Variants in AGMO observed in about 807,000 individuals in gnomAD.
AGMO encodes the protein glyceryl-ether monooxygenase.
In AGMO, 75 loss-of-function variants were observed where a neutral mutation model predicts 60.2. That is an observed-to-expected ratio of 1.25 (90% CI 1.03 to 1.51). AGMO has a LOEUF of 1.51. Ranked by LOEUF, AGMO falls within the 40% of genes most tolerant of loss-of-function variation. The pLI is 0.00. For synonymous variants in AGMO, 261 were observed against 177.1 expected (o/e 1.47, Z -3.76); for missense variants, 763 against 525.5 (o/e 1.45, Z -4.42).
intron 3 of AGMO, among the ~76,000 whole-genome samples, chr7:15,460,436 T>A (rs1383141854): frequency 6.6e-6 from 1 of 152,114 alleles, no homozygotes; most frequent in East Asian, 1.9e-4. Flanking sequence ...AACCACATAT[T>A]TTAAGGCTAT....
chr7:15,300,407 C>T (rs1024256508), intron 12 of AGMO, among the ~76,000 whole-genome samples: 3 of 152,056 alleles, frequency 2.0e-5, no homozygotes, highest in Non-Finnish European at 2.9e-5. Context: ...ATAGCAGCTA[C>T]GTGATGGGAT....
Position 15,201,366 on chromosome 7 carries a change from A to G in AGMO, c.1264-7T>C. On this transcript the variant is annotated splice_polypyrimidine_tract_variant and splice_region_variant and intron_variant, in intron 12 of 12. Transcript: ENST00000342526. ...TGCAAATGGAAAAAACAATCTGAAG[A>G]AATAAAACACAAAGAGAAAAAAAAA... 1 of 1,608,514 alleles carries G rather than the reference A, an allele frequency of 6.2e-7. No homozygotes were observed.
intron 12 of AGMO, among the ~76,000 whole-genome samples, chr7:15,356,597 G>A (rs1381138159): frequency 6.6e-6 from 1 of 151,790 alleles, no homozygotes; most frequent in Non-Finnish European, 1.5e-5. Context: ...TTCTATCTGT[G>A]GAAATATGAG....
intron 3 of AGMO, among the ~76,000 whole-genome samples, chr7:15,447,522 A>C (rs1411167393): frequency 1.3e-5 from 2 of 152,168 alleles, no homozygotes; most frequent in East Asian, 3.9e-4. Context: ...TGGCAGAGTC[A>C]TTCAAAGTCT....
intron 3 of AGMO, among the ~76,000 whole-genome samples, chr7:15,538,818 T>C (rs992369317): frequency 7.2e-5 from 11 of 152,214 alleles, no homozygotes; most frequent in African/African-American, 2.4e-4. Context: ...TTAAGAGTCA[T>C]ATACAGGGGT....
intron 3 of AGMO, among the ~76,000 whole-genome samples, chr7:15,437,682 C>T (rs1781438457): frequency 6.6e-6 from 1 of 151,960 alleles, no homozygotes; most frequent in African/African-American, 2.4e-5. Flanking sequence ...TTACAGGCGC[C>T]CGCCACCACG....
chr7:15,146,527 T>TC, the AGMO span, among the ~76,000 whole-genome samples: 6 of 152,268 alleles, frequency 3.9e-5, no homozygotes, highest in African/African-American at 1.4e-4. Flanking sequence ...TTTTTTTTTT[T>TC]TGGTCAAAGT....
chr7:15,422,164 G>T (rs957360005), intron 4 of AGMO, among the ~76,000 whole-genome samples: 1 of 152,080 alleles, frequency 6.6e-6, no homozygotes, highest in African/African-American at 2.4e-5. Flanking sequence ...GCCAGAGGAG[G>T]TAACAAAATG....
intron 3 of AGMO, among the ~76,000 whole-genome samples, chr7:15,512,977 T>A (rs1244675951): frequency 6.6e-6 from 1 of 152,210 alleles, no homozygotes; most frequent in African/African-American, 2.4e-5. Context: ...AGAAATTATT[T>A]CTTTTGCAAA....
At chr7:15,483,062 G>A (rs1016276110) in intron 3 of AGMO, among the ~76,000 whole-genome samples, 2 of 152,034 alleles carry the variant, frequency 1.3e-5, no homozygotes, top group East Asian at 1.9e-4. Flanking sequence ...GAGGCAAGAA[G>A]AAATCAAAGT....
chr7:15,170,617 G>C, the AGMO span, among the ~76,000 whole-genome samples: 1 of 152,000 alleles, frequency 6.6e-6, no homozygotes, highest in Non-Finnish European at 1.5e-5. Context: ...AGATAGTATA[G>C]AGTATTTCCA....
At chr7:15,336,809 C>G (rs78130646) in intron 12 of AGMO, among the ~76,000 whole-genome samples, 1 of 152,086 alleles carries the variant, frequency 6.6e-6, no homozygotes, top group African/African-American at 2.4e-5. Context: ...TAAGTAATTA[C>G]TTATCAGGCT....
intron 3 of AGMO, among the ~76,000 whole-genome samples, chr7:15,512,082 C>T (rs59428585): frequency 6.6e-6 from 1 of 151,680 alleles, no homozygotes. Context: ...ATAACTATGA[C>T]TTCTTTTGTA....
intron 12 of AGMO, among the ~76,000 whole-genome samples, chr7:15,254,830 A>G (rs1783048164): frequency 6.6e-6 from 1 of 152,134 alleles, no homozygotes; most frequent in African/African-American, 2.4e-5. Context: ...ATCATAAGAA[A>G]CTACTATAAA....
chr7:15,132,431 G>C, the AGMO span, among the ~76,000 whole-genome samples: 2 of 152,006 alleles, frequency 1.3e-5, no homozygotes, highest in African/African-American at 4.8e-5. Flanking sequence ...TTTCCTTTTA[G>C]GTACAATTGT....
At chr7:15,385,615 C>A (rs1783879470) in intron 9 of AGMO, 53 bp from the exon 10 acceptor site, 2 of 979,060 alleles carry the variant, frequency 2.0e-6, no homozygotes, top group African/African-American at 1.7e-5. Context: ...ATTTTTCTTA[C>A]TGAAATTCAC....
the AGMO span, among the ~76,000 whole-genome samples, chr7:15,164,214 C>G: frequency 7.2e-5 from 11 of 151,908 alleles, no homozygotes; most frequent in African/African-American, 1.2e-4. Flanking sequence ...GAGCTTGACC[C>G]CTATCTCTCA....
chr7:15,240,021 T>G (rs1782543116), intron 12 of AGMO, among the ~76,000 whole-genome samples: 2 of 152,138 alleles, frequency 1.3e-5, no homozygotes, highest in Admixed American at 6.5e-5. Flanking sequence ...AAACAACAAC[T>G]TCTGCTGCAA....
At chr7:15,443,824 C>T (rs1022773537) in intron 3 of AGMO, among the ~76,000 whole-genome samples, 4 of 152,296 alleles carry the variant, frequency 2.6e-5, no homozygotes, top group Non-Finnish European at 5.9e-5. Flanking sequence ...TATCTTCCTC[C>T]TTCTCATGTA....
Sources: allele counts gnomAD v4.1 joint callset (sites outside exome capture counted in the v4.1 genomes callset), GRCh38; gene constraint gnomAD v4.1.1; transcripts MANE v1.5; gene names NCBI Gene and HGNC (gene_info 2026-07-23, HGNC 2026-07-21).